CHST15: variants seen among roughly 807,000 people sequenced by gnomAD.
The protein encoded by CHST15 is carbohydrate sulfotransferase 15.
In CHST15, 30 loss-of-function variants were observed where a neutral mutation model predicts 53.6. The observed-to-expected ratio is 0.56, with a 90% CI of 0.42 to 0.76. The LOEUF is 0.76. Ranked by LOEUF, CHST15 falls within the 30% of genes least tolerant of loss-of-function variation. The pLI is 0.00. For synonymous variants in CHST15, 296 were observed against 289.8 expected, an observed-to-expected ratio of 1.02 and a Z score of -0.22; for missense variants, 627 against 740.5, an observed-to-expected ratio of 0.85 and a Z score of 1.78.
intron 4 of CHST15, 132 bp from the exon 5 acceptor site, chr10:124,038,803 T>C (rs1181235325): frequency 3.4e-6 from 3 of 894,160 alleles, no homozygotes; most frequent in African/African-American, 3.3e-5. Flanking sequence ...GCTGTCAGCC[T>C]TTGCGGGCAT....
chr10:124,051,125 T>C (rs756875286), intron 1 of CHST15, among the ~76,000 whole-genome samples: 1 of 152,092 alleles, frequency 6.6e-6, no homozygotes, highest in African/African-American at 2.4e-5. Context: ...GCATTTTTAA[T>C]AGAGACGGAG....
intron 1 of CHST15, among the ~76,000 whole-genome samples, chr10:124,068,137 C>G (rs886828553): frequency 6.6e-6 from 1 of 152,118 alleles, no homozygotes; most frequent in Admixed American, 6.5e-5. Flanking sequence ...CTCACCTGCT[C>G]GGGGGGTCAG....
intron 1 of CHST15, among the ~76,000 whole-genome samples, chr10:124,087,296 G>C (rs549982944): frequency 1.2e-4 from 18 of 152,252 alleles, no homozygotes; most frequent in Admixed American, 8.5e-4. Context: ...CCCTGGGAGG[G>C]ATGGGATCGC....
intron 1 of CHST15, among the ~76,000 whole-genome samples, chr10:124,049,410 G>A (rs1440872429): frequency 6.6e-6 from 1 of 152,218 alleles, no homozygotes; most frequent in East Asian, 1.9e-4. Flanking sequence ...ATAGCTCCAG[G>A]ATGGAGGCTG....
intron 1 of CHST15, chr10:124,092,288 C>G (rs1377701494): frequency 6.5e-6 from 1 of 154,396 alleles, no homozygotes; most frequent in African/African-American, 2.4e-5. Flanking sequence ...CCAGCTTCGC[C>G]GCCCCGCAGC....
chr10:124,009,204 G>A lies in CHST15; in HGVS notation c.*945C>T, dbSNP rs2133807850. 6 of 1,143,478 alleles carry A rather than the reference G, an allele frequency of 5.2e-6. No homozygotes were observed. Among genetic ancestry groups the A allele is most frequent in the Non-Finnish European group, 6.6e-6 (6 of 913,054 alleles). The allele number at this position is 1,143,478 out of a possible 1,614,324, so 70.8% of individuals were successfully genotyped here. Reference sequence around the variant, plus strand: ...GATCTTGTAAACCTGATGAGGGCTTGAATTACCTAGATTTTCCAAGAAGTG... The same window carrying A: ...GATCTTGTAAACCTGATGAGGGCTTAAATTACCTAGATTTTCCAAGAAGTG... On this transcript the variant is annotated 3_prime_UTR_variant, in exon 8 of 8. Transcript: ENST00000435907.
intron 5 of CHST15, among the ~76,000 whole-genome samples, chr10:124,037,136 G>T (rs1055878530): frequency 6.6e-6 from 1 of 152,276 alleles, no homozygotes. Context: ...CTTAGGGTGG[G>T]TGAGGGTCTA....
At position 124,008,551 on chromosome 10, in the gene CHST15, T is replaced by C; in HGVS notation, c.*1598A>G. On this transcript the variant is annotated 3_prime_UTR_variant, in exon 8 of 8. Transcript: ENST00000435907. ...GTAGCAAAAACAGCCCTGGCCATCCTGGCGCTCAGAGCCCTCTGCACACCT... is the reference window on the plus strand; with the variant it reads ...GTAGCAAAAACAGCCCTGGCCATCCCGGCGCTCAGAGCCCTCTGCACACCT... The C allele has an allele frequency of 2.0e-6, 2 of 991,940 alleles. No homozygotes were observed. Among genetic ancestry groups the C allele is most frequent in the East Asian group, 2.2e-4 (2 of 9,216 alleles). The allele number at this position is 991,940 out of a possible 1,614,324, so 61.4% of individuals were successfully genotyped here.
chr10:124,067,980 T>C (rs1170100792), intron 1 of CHST15, among the ~76,000 whole-genome samples: 1 of 152,200 alleles, frequency 6.6e-6, no homozygotes, highest in Non-Finnish European at 1.5e-5. Flanking sequence ...TTAAAGGTTG[T>C]GTCTGCGGGT....
At chr10:124,013,076 C>G (rs555235259) in intron 6 of CHST15, among the ~76,000 whole-genome samples, 4 of 152,232 alleles carry the variant, frequency 2.6e-5, no homozygotes, top group Non-Finnish European at 5.9e-5. Context: ...TTCCTTCTCT[C>G]GTGCCTTACT....
chr10:124,076,229 T>C (rs1403774551), intron 1 of CHST15, among the ~76,000 whole-genome samples: 2 of 152,172 alleles, frequency 1.3e-5, no homozygotes, highest in Non-Finnish European at 2.9e-5. Context: ...ACACACATAA[T>C]GTAGATGGGT....
Position 124,046,406 on chromosome 10 carries a change from T to A in CHST15, c.-194A>T. The A allele has an allele frequency of 1.8e-6, 1 of 552,744 alleles. No homozygotes were observed. Among genetic ancestry groups the A allele is most frequent in the Non-Finnish European group, 3.1e-6 (1 of 322,886 alleles). 34.2% of individuals were successfully genotyped at this position (552,744 alleles called of 1,614,324 possible). A position where few individuals can be genotyped will look rare whatever the true frequency, so the allele number is the denominator to read the frequency against. ...GAGGGTGCACATTCTTTGGTTCAGC[T>A]CCGAAAGAAAACAAAAGGAAGTGAT... On this transcript the variant is annotated 5_prime_UTR_variant, in exon 2 of 8. Coordinates refer to ENST00000435907, the MANE Select transcript of CHST15 (RefSeq NM_001270764.2).
At chr10:124,093,294 G>A (rs1297975821) in intron 1 of CHST15, among the ~76,000 whole-genome samples, 175 bp downstream of exon 1, 3 of 150,674 alleles carry the variant, frequency 2.0e-5, no homozygotes, top group Non-Finnish European at 2.9e-5. Flanking sequence ...GCGCCGCGGG[G>A]AGTGAGGCTG....
intron 1 of CHST15, among the ~76,000 whole-genome samples, chr10:124,081,459 C>A (rs1949236237): frequency 6.6e-6 from 1 of 152,200 alleles, no homozygotes; most frequent in Non-Finnish European, 1.5e-5. Flanking sequence ...GATGTAGGAC[C>A]AAAGTATGTG....
intron 1 of CHST15, among the ~76,000 whole-genome samples, chr10:124,077,606 C>T (rs1007619440): frequency 5.3e-5 from 8 of 152,234 alleles, no homozygotes; most frequent in African/African-American, 1.9e-4. Flanking sequence ...GTGCCCTGCT[C>T]TGTTAGTTTC....
At chr10:124,044,516 T>G (rs1202392790) in intron 3 of CHST15, 64 bp downstream of exon 3, 5 of 1,329,500 alleles carry the variant, frequency 3.8e-6, no homozygotes, top group Non-Finnish European at 5.0e-6. Context: ...AGCGCTAACG[T>G]TGCGGGAGGA....
chr10:124,080,780 C>G (rs1339610460), intron 1 of CHST15, among the ~76,000 whole-genome samples: 1 of 152,212 alleles, frequency 6.6e-6, no homozygotes. Context: ...AGACACTCAC[C>G]ATCCCTGCAC....
rs903095102 is a variant in CHST15, at chr10:124,036,797, C to T, written c.1190+1718G>A. Among the ~76,000 whole-genome samples the T allele has an allele frequency of 6.6e-6, 1 of 152,170 alleles. No homozygotes were observed. The highest frequency in any genetic ancestry group is 1.5e-5 in the Non-Finnish European group (1 of 68,034). On this transcript the variant is annotated intron_variant, in intron 5 of 7. Transcript: ENST00000435907. The surrounding 1 kb of genome is among the most constrained non-coding windows in gnomAD (Gnocchi z 5.1). ...TCCAATATATGTTCCAAAATTTCCACAACAAACACGCCTTATTGTTATAAT... is the reference window on the plus strand; with the variant it reads ...TCCAATATATGTTCCAAAATTTCCATAACAAACACGCCTTATTGTTATAAT...
chr10:124,090,826 T>C (rs184636366), intron 1 of CHST15, among the ~76,000 whole-genome samples: 182 of 152,340 alleles, frequency 1.2e-3, no homozygotes, highest in African/African-American at 4.2e-3. Flanking sequence ...TGGGCCGACC[T>C]GCCTGCCACC....
Sources: gnomAD v4.1 joint callset for allele counts (sites outside exome capture counted in the v4.1 genomes callset) on GRCh38, gnomAD v4.1.1 for gene constraint, Gnocchi (gnomAD v3.1) non-coding constraint, MANE v1.5 for transcripts, NCBI Gene and HGNC (gene_info 2026-07-23, HGNC 2026-07-21) for gene names.